Variants in UMAD1 observed in about 807,000 individuals in gnomAD.
The protein encoded by UMAD1 is UBAP1-MVB12-associated (UMA) domain containing 1.
UMAD1 carries 8 observed loss-of-function variants against 6.1 expected under a neutral mutation model. That is an observed-to-expected ratio of 1.30 (90% CI 0.76 to 2.35). UMAD1 has a LOEUF of 2.35. UMAD1 is among the 30% of genes most tolerant of loss of function. The pLI is 0.00. For missense variants in UMAD1, 130 were observed against 78.4 expected (o/e 1.66, Z -2.49); for synonymous variants, 56 against 31.4 (o/e 1.78, Z -2.61).
At chr7:7,697,016 G>A (rs79754830) in intron 2 of UMAD1, among the ~76,000 whole-genome samples, 3,617 of 152,242 alleles carry the variant, frequency 0.024, 146 homozygotes, top group African/African-American at 0.083. Context: ...TCCAAGGTCT[G>A]TATAACTTCT....
rs1335811617 is a variant in UMAD1 at position 7,847,098 on chromosome 7, AAAAAAAATATATATATATATATATAT to A, written c.157-30181_157-30156del. On this transcript the variant is annotated intron_variant, in intron 3 of 3. Coordinates refer to ENST00000682710, the MANE Select transcript of UMAD1 (RefSeq NM_001302348.2). ...AAAAGACAGCAATGCAAAAAAAAAA[AAAAAAAATATATATATATATATATAT>A]ATATATATATATATATATATATATA... Among the ~76,000 whole-genome samples, 8 of 46,938 alleles carry A rather than the reference AAAAAAAATATATATATATATATATAT, an allele frequency of 1.7e-4. 2 individuals carry two copies. The highest frequency in any genetic ancestry group is 1.3e-3 in the African/African-American group (8 of 6,288). 30.8% of individuals were successfully genotyped at this position (46,938 alleles called of 152,430 possible).
At chr7:7,676,345 G>A (rs897057620) in intron 2 of UMAD1, 101 of 391,620 alleles carry the variant, frequency 2.6e-4, no homozygotes, top group African/African-American at 1.8e-3. Context: ...GAGTGAGGTA[G>A]TACTATTATA....
intron 3 of UMAD1, among the ~76,000 whole-genome samples, chr7:7,861,063 C>A (rs1485525088): frequency 6.6e-6 from 1 of 151,910 alleles, no homozygotes; most frequent in Non-Finnish European, 1.5e-5. Context: ...TATATAGAGA[C>A]AAAAAGTGTT....
intron 2 of UMAD1, among the ~76,000 whole-genome samples, chr7:7,709,658 A>G (rs1051376519): frequency 6.6e-6 from 1 of 152,364 alleles, no homozygotes; most frequent in Middle Eastern, 3.4e-3. Flanking sequence ...ATGTTCCTGT[A>G]TTACAATTTA....
At chr7:7,741,564 G>T (rs868292521) in intron 2 of UMAD1, among the ~76,000 whole-genome samples, 6 of 143,196 alleles carry the variant, frequency 4.2e-5, no homozygotes, top group East Asian at 2.0e-4. Flanking sequence ...GCTACAGAGC[G>T]AGACAACGTC....
intron 3 of UMAD1, among the ~76,000 whole-genome samples, chr7:7,862,247 C>A (rs979809801): frequency 1.3e-5 from 2 of 151,800 alleles, no homozygotes; most frequent in African/African-American, 2.4e-5. Context: ...TATTTTCTTA[C>A]CAGGTTTAAA....
At chr7:7,675,712 G>A (rs533971205) in intron 2 of UMAD1, among the ~76,000 whole-genome samples, 3 of 152,238 alleles carry the variant, frequency 2.0e-5, no homozygotes, top group African/African-American at 7.2e-5. Context: ...AATTGGTGTC[G>A]TACCCAGCAC....
chr7:7,757,085 A>G (rs1781793459), intron 2 of UMAD1, among the ~76,000 whole-genome samples: 1 of 152,234 alleles, frequency 6.6e-6, no homozygotes, highest in South Asian at 2.1e-4. Context: ...TTATTAACAG[A>G]TGAATGATGT....
At chr7:7,782,367 G>C (rs1198825408) in intron 2 of UMAD1, among the ~76,000 whole-genome samples, 1 of 151,928 alleles carries the variant, frequency 6.6e-6, no homozygotes, top group East Asian at 1.9e-4. Context: ...GTATTCATCT[G>C]AATGCCTTCA....
chr7:7,784,756 C>CTTTTTTTT (rs71014716), intron 2 of UMAD1, among the ~76,000 whole-genome samples: 3 of 78,520 alleles, frequency 3.8e-5, no homozygotes, highest in African/African-American at 1.0e-4. Flanking sequence ...GCCCTTCCTT[C>CTTTTTTTT]TTTTTTTTTT....
intron 2 of UMAD1, among the ~76,000 whole-genome samples, chr7:7,794,868 A>G (rs528600386): frequency 6.6e-6 from 1 of 152,286 alleles, no homozygotes; most frequent in Admixed American, 6.5e-5. Flanking sequence ...AGGTCTGAAG[A>G]GAGACGCTTA....
chr7:7,755,058 G>A lies in UMAD1; in HGVS notation c.83-46612G>A, dbSNP rs767052409. 7.2e-5 allele frequency among the ~76,000 whole-genome samples: 11 copies of A among 151,900 alleles called. No individual in the cohort carries two copies. The East Asian group carries it at 9.6e-4, about 13-fold the overall frequency. ...GTCACTCCTTTGTTCACAACCCTTC[G>A]GTGGCTTCAAATCTATCTCAAAACC... is the stretch of plus-strand genomic sequence containing the variant. On this transcript the variant is annotated intron_variant, in intron 2 of 3. Coordinates refer to ENST00000682710, the MANE Select transcript of UMAD1 (RefSeq NM_001302348.2).
intron 3 of UMAD1, among the ~76,000 whole-genome samples, chr7:7,858,409 A>G (rs1400918602): frequency 1.3e-5 from 2 of 152,236 alleles, no homozygotes; most frequent in African/African-American, 4.8e-5. Flanking sequence ...AGGGAAAAAC[A>G]AAAGCTCTGT....
rs531367325 is a variant in UMAD1, at chr7:7,757,457, C to T, written c.83-44213C>T. On this transcript the variant is annotated intron_variant, in intron 2 of 3. Coordinates refer to ENST00000682710, the MANE Select transcript of UMAD1 (RefSeq NM_001302348.2). ...CAGGTGTTTTTTTTAAGAGAGTGATCTATAAAGTAAAGTTCTTTGTGCTGT... is the reference window on the plus strand; with the variant it reads ...CAGGTGTTTTTTTTAAGAGAGTGATTTATAAAGTAAAGTTCTTTGTGCTGT... 2.0e-5 allele frequency among the ~76,000 whole-genome samples: 3 copies of T among 152,222 alleles called. No homozygotes were observed. The South Asian group carries it at 6.2e-4, about 32-fold the overall frequency.
chr7:7,650,489 G>T (rs1785200194), intron 1 of UMAD1, among the ~76,000 whole-genome samples: 1 of 152,078 alleles, frequency 6.6e-6, no homozygotes. Context: ...TTTTGCTGTA[G>T]GCTTACATGT....
intron 2 of UMAD1, among the ~76,000 whole-genome samples, chr7:7,718,795 G>A (rs1178727266): frequency 6.6e-6 from 1 of 152,060 alleles, no homozygotes; most frequent in African/African-American, 2.4e-5. Context: ...ACTCTCAGAA[G>A]CAATACCAGC....
intron 1 of UMAD1, among the ~76,000 whole-genome samples, chr7:7,667,803 G>T (rs1488027594): frequency 6.6e-6 from 1 of 152,154 alleles, no homozygotes; most frequent in Non-Finnish European, 1.5e-5. Context: ...AAGTGTTTCT[G>T]GTCTCTGCTG....
At chr7:7,677,682 T>C (rs1183413454) in intron 2 of UMAD1, among the ~76,000 whole-genome samples, 1 of 138,928 alleles carries the variant, frequency 7.2e-6, no homozygotes, top group Non-Finnish European at 1.6e-5. Context: ...TTTTTTTTTT[T>C]TTTTTTTTTG....
intron 2 of UMAD1, among the ~76,000 whole-genome samples, chr7:7,740,030 T>C (rs1452693887): frequency 6.6e-6 from 1 of 152,248 alleles, no homozygotes; most frequent in Non-Finnish European, 1.5e-5. Context: ...GTGAACCCTT[T>C]TTCCCCTTCA....
Sources: gnomAD v4.1 joint callset for allele counts (sites outside exome capture counted in the v4.1 genomes callset) on GRCh38, gnomAD v4.1.1 for gene constraint, MANE v1.5 for transcripts, NCBI Gene and HGNC (gene_info 2026-07-23, HGNC 2026-07-21) for gene names.